Variants in PTPRR observed in about 807,000 individuals in gnomAD.
PTPRR encodes receptor-type tyrosine-protein phosphatase R.
Under a neutral mutation model 77.2 loss-of-function variants are expected in PTPRR, and 38 were observed. The observed-to-expected ratio is 0.49, with a 90% CI of 0.38 to 0.65. PTPRR has a LOEUF of 0.65. Among genes scored for constraint, PTPRR ranks in the 30% least tolerant of loss-of-function variants. The pLI, the probability that PTPRR is intolerant of heterozygous loss-of-function variation, is 0.00. For synonymous variants in PTPRR, 299 were observed against 283.1 expected (o/e 1.06, Z -0.57); for missense variants, 744 against 799.2 (o/e 0.93, Z 0.83).
intron 2 of PTPRR, among the ~76,000 whole-genome samples, chr12:70,818,602 T>C (rs1382430693): frequency 1.3e-5 from 2 of 152,208 alleles, no homozygotes; most frequent in African/African-American, 4.8e-5. Context: ...ATGAAGTTTC[T>C]TTATGTCTTA....
chr12:70,654,005 C>G (rs1255636160), intron 13 of PTPRR, among the ~76,000 whole-genome samples: 1 of 152,004 alleles, frequency 6.6e-6, no homozygotes, highest in Non-Finnish European at 1.5e-5. Flanking sequence ...AAAAAGGAGA[C>G]AAGAATGTTA....
At chr12:70,727,354 T>G (rs1264829281) in intron 6 of PTPRR, among the ~76,000 whole-genome samples, 2 of 152,110 alleles carry the variant, frequency 1.3e-5, no homozygotes, top group African/African-American at 4.8e-5. Flanking sequence ...GAAAAGGGAT[T>G]GATTGAAGAC....
rs1892229408 is a variant in PTPRR, at chr12:70,832,413, A to C, written c.357+60266T>G. Among the ~76,000 whole-genome samples, 4 of 152,166 alleles carry C rather than the reference A, an allele frequency of 2.6e-5. No homozygotes were observed. In the South Asian group the frequency reaches 8.3e-4, roughly 32 times the overall value. On this transcript the variant is annotated intron_variant, in intron 2 of 13. Transcript: ENST00000283228. The stretch of plus-strand genomic sequence containing the variant: ...ATTTTTAAATGCTATCTTAATTTTA[A>C]AATATTATGGATAAAGGGCATTTCA...
intron 2 of PTPRR, among the ~76,000 whole-genome samples, chr12:70,876,148 C>T (rs1416390359): frequency 6.6e-6 from 1 of 151,948 alleles, no homozygotes; most frequent in Non-Finnish European, 1.5e-5. Flanking sequence ...AAAAATCTTT[C>T]TTTTGAAAAT....
chr12:70,825,656 A>G (rs1426753872), intron 2 of PTPRR, among the ~76,000 whole-genome samples: 1 of 152,112 alleles, frequency 6.6e-6, no homozygotes, highest in East Asian at 1.9e-4. Context: ...CCTCAGTGTT[A>G]CCTCTCTAAT....
At chr12:70,764,860 T>C in intron 2 of PTPRR, 82 bp from the exon 3 acceptor site, 1 of 1,029,206 alleles carries the variant, frequency 9.7e-7, no homozygotes, top group South Asian at 1.4e-5. Context: ...TAAGTATTAA[T>C]AAGTTCACGA....
intron 2 of PTPRR, among the ~76,000 whole-genome samples, chr12:70,863,847 T>C (rs914788827): frequency 6.6e-6 from 1 of 152,186 alleles, no homozygotes; most frequent in Non-Finnish European, 1.5e-5. Context: ...GGAGTTGTAG[T>C]GCCCAAAGCG....
chr12:70,779,862 A>G (rs916297483), intron 2 of PTPRR, among the ~76,000 whole-genome samples: 2 of 152,222 alleles, frequency 1.3e-5, no homozygotes, highest in African/African-American at 4.8e-5. Context: ...ATACCTAATC[A>G]TTAAAAAACA....
intron 2 of PTPRR, chr12:70,788,853 C>A: frequency 6.6e-7 from 1 of 1,524,186 alleles, no homozygotes; most frequent in Non-Finnish European, 8.8e-7. Flanking sequence ...ATGAAGTCGA[C>A]TTCCATTTGC....
intron 6 of PTPRR, among the ~76,000 whole-genome samples, chr12:70,724,916 G>T (rs895591573): frequency 2.0e-5 from 3 of 151,894 alleles, no homozygotes; most frequent in South Asian, 2.1e-4. Flanking sequence ...GCTTAAATAT[G>T]CTTTCAAAAT....
At chr12:70,707,389 G>C (rs1022198409) in intron 6 of PTPRR, among the ~76,000 whole-genome samples, 1 of 151,720 alleles carries the variant, frequency 6.6e-6, no homozygotes, top group Admixed American at 6.6e-5. Flanking sequence ...AAAGGAAGTA[G>C]GCACAGAACC....
intron 6 of PTPRR, among the ~76,000 whole-genome samples, chr12:70,741,757 C>T (rs574542433): frequency 2.2e-3 from 330 of 152,196 alleles, no homozygotes; most frequent in Non-Finnish European, 3.3e-3. Flanking sequence ...AGTGTTAGAA[C>T]GGCTGCTTTG....
At chr12:70,836,188 A>T (rs939078979) in intron 2 of PTPRR, among the ~76,000 whole-genome samples, 3 of 152,082 alleles carry the variant, frequency 2.0e-5, no homozygotes, top group African/African-American at 7.2e-5. Flanking sequence ...TACAGGATAG[A>T]ATCCAGGCAC....
At chr12:70,673,065 A>C in intron 10 of PTPRR, 1 of 1,187,168 alleles carries the variant, frequency 8.4e-7, no homozygotes, top group Non-Finnish European at 1.1e-6. Flanking sequence ...AAAGAAAGAA[A>C]TATATATTTG....
chr12:70,910,003 T>G (rs550394661), intron 1 of PTPRR, among the ~76,000 whole-genome samples: 2 of 152,352 alleles, frequency 1.3e-5, no homozygotes, highest in African/African-American at 4.8e-5. Context: ...TGGGACATGC[T>G]TATTTGATCT....
intron 13 of PTPRR, among the ~76,000 whole-genome samples, chr12:70,654,342 C>T (rs1886500809): frequency 6.6e-6 from 1 of 152,078 alleles, no homozygotes; most frequent in Non-Finnish European, 1.5e-5. Flanking sequence ...CTTTGGGAGG[C>T]CAAGATGTGA....
chr12:70,863,141 T>A (rs1351952517), intron 2 of PTPRR, among the ~76,000 whole-genome samples: 2 of 152,148 alleles, frequency 1.3e-5, no homozygotes, highest in East Asian at 3.9e-4. Flanking sequence ...TGTATCTAAC[T>A]AGCATTGATC....
intron 6 of PTPRR, among the ~76,000 whole-genome samples, chr12:70,735,325 A>G (rs1157911094): frequency 6.6e-6 from 1 of 152,250 alleles, no homozygotes; most frequent in East Asian, 1.9e-4. Context: ...ACAGTTCCAC[A>G]TGGCTGGGGA....
intron 2 of PTPRR, among the ~76,000 whole-genome samples, chr12:70,789,244 A>G (rs556645181): frequency 3.3e-4 from 51 of 152,244 alleles, no homozygotes; most frequent in African/African-American, 1.2e-3. Flanking sequence ...CATGTACCCT[A>G]AAACTTAAAG....
Sources: gnomAD v4.1 joint callset for allele counts (sites outside exome capture counted in the v4.1 genomes callset) on GRCh38, gnomAD v4.1.1 for gene constraint, MANE v1.5 for transcripts, NCBI Gene and HGNC (gene_info 2026-07-23, HGNC 2026-07-21) for gene names.